RASSF5: variants seen among roughly 807,000 people sequenced by gnomAD.
RASSF5 encodes ras association domain-containing protein 5.
RASSF5 carries 25 observed loss-of-function variants against 40.5 expected under a neutral mutation model. The ratio of observed to expected loss-of-function variants is 0.62; its 90% CI spans 0.45 to 0.86. The LOEUF is 0.86. Among genes scored for constraint, RASSF5 ranks in the 40% least tolerant of loss-of-function variants. The pLI, the probability that RASSF5 is intolerant of heterozygous loss-of-function variation, is 0.00. For missense variants in RASSF5, 521 were observed against 572.8 expected (o/e 0.91, Z 0.92); for synonymous variants, 246 against 252.4 (o/e 0.97, Z 0.24).
intron 1 of RASSF5, chr1:206,529,021 T>G: frequency 2.7e-6 from 2 of 745,298 alleles, no homozygotes; most frequent in South Asian, 3.4e-5. Context: ...CCTAAGAATT[T>G]TGGCATTGGA....
At chr1:206,585,129 C>T in intron 4 of RASSF5, 51 bp from the exon 5 acceptor site, 1 of 1,409,766 alleles carries the variant, frequency 7.1e-7, no homozygotes, top group Middle Eastern at 2.0e-4. Flanking sequence ...AAGCCTGGGC[C>T]CCGCCCTTCT....
chr1:206,529,765 C>CAA (rs34769485), intron 1 of RASSF5: 15,950 of 390,142 alleles, frequency 0.041, 170 homozygotes, highest in South Asian at 0.055. Context: ...ATTTTTCCTT[C>CAA]AAAAAAAAAA....
In RASSF5 at chr1:206,587,370, G is replaced by C; in HGVS notation, c.*392G>C. The C allele has an allele frequency of 3.2e-6, 1 of 315,452 alleles. No individual in the cohort carries two copies. Among genetic ancestry groups the C allele is most frequent in the Middle Eastern group, 1.2e-3 (1 of 862 alleles). 19.5% of individuals were successfully genotyped at this position (315,452 alleles called of 1,614,324 possible). A position where few individuals can be genotyped will look rare whatever the true frequency, so the allele number is the denominator to read the frequency against. On this transcript the variant is annotated 3_prime_UTR_variant, in exon 6 of 6. Coordinates refer to ENST00000579436, the MANE Select transcript of RASSF5 (RefSeq NM_182663.4). ...TTCTCTGGCATTGATTCCTCTTTGAGTTCTCTTACTTGCCACGTACAGGAC... is the reference window on the plus strand; with the variant it reads ...TTCTCTGGCATTGATTCCTCTTTGACTTCTCTTACTTGCCACGTACAGGAC...
At chr1:206,519,406 T>G (rs910588381) in intron 1 of RASSF5, among the ~76,000 whole-genome samples, 7 of 152,210 alleles carry the variant, frequency 4.6e-5, no homozygotes, top group Non-Finnish European at 1.0e-4. Flanking sequence ...TCAGAGCATT[T>G]ACGTTTGTTT....
At position 206,587,069 on chromosome 1, in the gene RASSF5, C is replaced by G. The variant is rs1056266621; in HGVS notation, c.*91C>G. 2 of 1,482,842 alleles carry G rather than the reference C, an allele frequency of 1.3e-6. No homozygotes were observed. The highest frequency in any genetic ancestry group is 1.8e-6 in the Non-Finnish European group (2 of 1,086,456). 91.9% of individuals were successfully genotyped at this position (1,482,842 alleles called of 1,614,324 possible). ...ACAGACACTTTTTCTCAGGACATCTCTGGCAGGTGCATTTGTGCCTGCCCA... is the reference window on the plus strand; with the variant it reads ...ACAGACACTTTTTCTCAGGACATCTGTGGCAGGTGCATTTGTGCCTGCCCA... On this transcript the variant is annotated 3_prime_UTR_variant, in exon 6 of 6. Transcript: ENST00000579436.
At chr1:206,575,700 C>T (rs916704072) in intron 2 of RASSF5, among the ~76,000 whole-genome samples, 8 of 152,170 alleles carry the variant, frequency 5.3e-5, no homozygotes, top group African/African-American at 1.4e-4. Context: ...CTTAGTCCTG[C>T]GAAGGGGCCC....
At chr1:206,583,246 C>T (rs1311120930) in intron 2 of RASSF5, 23 bp from the exon 3 acceptor site, 2 of 1,505,634 alleles carry the variant, frequency 1.3e-6, no homozygotes, top group Non-Finnish European at 1.8e-6. Flanking sequence ...ACACATCCAC[C>T]TCCACTTCTG....
At chr1:206,539,957 G>T (rs1158980340) in intron 2 of RASSF5, among the ~76,000 whole-genome samples, 1 of 152,148 alleles carries the variant, frequency 6.6e-6, no homozygotes, top group African/African-American at 2.4e-5. Context: ...GAGCCTGGCT[G>T]TCCCCATTAC....
chr1:206,566,797 C>T (rs1237677016), intron 2 of RASSF5, among the ~76,000 whole-genome samples: 4 of 152,160 alleles, frequency 2.6e-5, no homozygotes, highest in African/African-American at 7.2e-5. Context: ...AACACCTCGC[C>T]GCTCTTTCTC....
At chr1:206,573,690 C>T (rs1220243057) in intron 2 of RASSF5, among the ~76,000 whole-genome samples, 1 of 152,206 alleles carries the variant, frequency 6.6e-6, no homozygotes, top group Non-Finnish European at 1.5e-5. Flanking sequence ...GGAAGAAGAC[C>T]CGAGATGGAT....
At chr1:206,585,043 T>C (rs1669054781) in intron 4 of RASSF5, 137 bp from the exon 5 acceptor site, 1 of 689,672 alleles carries the variant, frequency 1.4e-6, no homozygotes, top group Non-Finnish European at 2.6e-6. Flanking sequence ...ATTACTGTCA[T>C]GTTCATTTCA....
At chr1:206,580,695 C>T (rs952918392) in intron 2 of RASSF5, 10 of 152,218 alleles carry the variant, frequency 6.6e-5, no homozygotes, top group African/African-American at 2.4e-4. Flanking sequence ...TACTCACCTC[C>T]GGCAAGTGGG....
intron 2 of RASSF5, among the ~76,000 whole-genome samples, chr1:206,538,702 C>A (rs1439286995): frequency 6.6e-6 from 1 of 152,222 alleles, no homozygotes; most frequent in Non-Finnish European, 1.5e-5. Context: ...AGAGGCTGGG[C>A]AAATGTTCTC....
intron 2 of RASSF5, among the ~76,000 whole-genome samples, chr1:206,568,901 C>T (rs1367660486): frequency 6.6e-6 from 1 of 152,218 alleles, no homozygotes; most frequent in Non-Finnish European, 1.5e-5. Context: ...TGAGCCAATA[C>T]GTAGCTCCTA....
intron 2 of RASSF5, among the ~76,000 whole-genome samples, chr1:206,561,666 T>TC (rs1409793761): frequency 2.2e-5 from 3 of 137,080 alleles, no homozygotes; most frequent in African/African-American, 8.1e-5. Flanking sequence ...TCTTTTTCTT[T>TC]TTTTTTTTTT....
At chr1:206,537,240 C>T (rs1265996631) in intron 1 of RASSF5, among the ~76,000 whole-genome samples, 1 of 152,176 alleles carries the variant, frequency 6.6e-6, no homozygotes, top group African/African-American at 2.4e-5. Flanking sequence ...AAGCTCTTTT[C>T]AACTCTGGTC....
rs1668969376 is a variant in RASSF5, at chr1:206,583,319, G to A, written c.630G>A (p.Glu210=). 2.5e-6 allele frequency: 4 copies of A among 1,613,848 alleles called. No individual in the cohort carries two copies. Among genetic ancestry groups the A allele is most frequent in the South Asian group, 2.2e-5 (2 of 91,076 alleles). ...CACAGCGCCCGCCCACACTGCAGGA[G>A]ATCAAGCAGAAGATCGACAGCTACA... is the stretch of plus-strand genomic sequence containing the variant. ...EETQRPPTLQ[E]IKQKIDSYNT... Residue 210 remains glutamate, a synonymous_variant, in exon 3 of 6, where the codon GAG becomes GAA. Transcript: ENST00000579436.
chr1:206,523,291 A>G (rs1553396384), intron 1 of RASSF5, among the ~76,000 whole-genome samples: 1 of 145,668 alleles, frequency 6.9e-6, no homozygotes, highest in East Asian at 1.9e-4. Flanking sequence ...GTGACAGACC[A>G]AGACTTTGTC....
At chr1:206,555,028 C>G (rs182609732) in intron 2 of RASSF5, among the ~76,000 whole-genome samples, 1 of 152,168 alleles carries the variant, frequency 6.6e-6, no homozygotes, top group African/African-American at 2.4e-5. Flanking sequence ...GTTTCCTTAT[C>G]TATAAAATGG....
Sources: gnomAD v4.1 joint callset for allele counts (sites outside exome capture counted in the v4.1 genomes callset) on GRCh38, gnomAD v4.1.1 for gene constraint, MANE v1.5 for transcripts, NCBI Gene and HGNC (gene_info 2026-07-23, HGNC 2026-07-21) for gene names.